Variants in AMELY observed in about 807,000 individuals in gnomAD.
AMELY encodes amelogenin, Y isoform.
AMELY carries 4 observed loss-of-function variants against 4.2 expected under a neutral mutation model. That is an observed-to-expected ratio of 0.96 (90% confidence interval 0.47 to 2.19). The LOEUF (loss-of-function observed/expected upper bound fraction) is 2.19. Among genes scored for constraint, AMELY ranks in the 30% most tolerant of loss-of-function variants. The pLI is 0.02. For synonymous variants in AMELY, 11 were observed against 14.7 expected, an observed-to-expected ratio of 0.75 and a Z score of 0.57; for missense variants, 32 against 41.5, an observed-to-expected ratio of 0.77 and a Z score of 0.63.
chrY:6,896,691 G>A (rs931359997), intron 1 of AMELY, among the ~76,000 whole-genome samples: 20 of 33,191 alleles, frequency 6.0e-4, no homozygotes, highest in Non-Finnish European at 5.2e-4. Context: ...TTAAAAATTA[G>A]CAGGGCATTG....
chrY:6,893,625 T>C (rs1603022830), intron 1 of AMELY, among the ~76,000 whole-genome samples: 1 of 32,937 alleles, frequency 3.0e-5, no homozygotes, highest in Non-Finnish European at 7.4e-5. Flanking sequence ...TGCAACCTGC[T>C]GGTCATAGGA....
intron 1 of AMELY, among the ~76,000 whole-genome samples, chrY:6,882,527 T>C: frequency 3.0e-5 from 1 of 33,189 alleles, no homozygotes; most frequent in African/African-American, 1.2e-4. Flanking sequence ...ATTCAGGACA[T>C]AGGCAAGGGT....
intron 6 of AMELY, 62 bp downstream of exon 6, chrY:6,867,975 G>A: frequency 2.8e-6 from 1 of 361,016 alleles, no homozygotes; most frequent in Non-Finnish European, 3.9e-6. Flanking sequence ...AGAACTCTGG[G>A]GCCAACTTTG....
intron 4 of AMELY, chrY:6,868,980 A>G: frequency 1.0e-5 from 2 of 200,550 alleles, no homozygotes; most frequent in Admixed American, 1.6e-4. Context: ...GTTTACATCC[A>G]TCACACACAT....
intron 1 of AMELY, among the ~76,000 whole-genome samples, chrY:6,885,426 A>C: frequency 2.9e-5 from 1 of 34,147 alleles, no homozygotes; most frequent in Non-Finnish European, 7.3e-5. Context: ...AGGGAGCCAA[A>C]ATTGTGCCAC....
intron 1 of AMELY, among the ~76,000 whole-genome samples, chrY:6,906,899 T>C (rs2011665661): frequency 3.1e-5 from 1 of 32,544 alleles, no homozygotes; most frequent in African/African-American, 1.2e-4. Flanking sequence ...TAGCTGCGAT[T>C]ACAGGCATGC....
intron 1 of AMELY, among the ~76,000 whole-genome samples, chrY:6,881,187 A>C (rs2124082065): frequency 3.0e-5 from 1 of 33,182 alleles, no homozygotes; most frequent in East Asian, 8.0e-4. Context: ...TTCCCTCTAC[A>C]CACTGCTTTA....
At chrY:6,909,068 G>C (rs2011674180) in intron 1 of AMELY, among the ~76,000 whole-genome samples, 1 of 33,418 alleles carries the variant, frequency 3.0e-5, no homozygotes, top group East Asian at 8.0e-4. Flanking sequence ...AACATACAAA[G>C]AGGTCTTTTA....
chrY:6,888,644 T>C, intron 1 of AMELY, among the ~76,000 whole-genome samples: 8 of 30,901 alleles, frequency 2.6e-4, no homozygotes, highest in African/African-American at 1.0e-3. Context: ...CTGAGGTGGG[T>C]GGAACACCTG....
intron 1 of AMELY, among the ~76,000 whole-genome samples, chrY:6,907,967 T>C: frequency 3.1e-5 from 1 of 32,666 alleles, no homozygotes; most frequent in Non-Finnish European, 7.5e-5. Flanking sequence ...CTCAGCCTCC[T>C]GAGCAGCTGG....
At chrY:6,872,836 C>G in intron 2 of AMELY, among the ~76,000 whole-genome samples, 4 of 33,321 alleles carry the variant, frequency 1.2e-4, no homozygotes, top group African/African-American at 4.6e-4. Context: ...AGGTTGGAAA[C>G]TGAACAAGTT....
intron 1 of AMELY, among the ~76,000 whole-genome samples, chrY:6,902,038 T>C: frequency 6.0e-5 from 2 of 33,064 alleles, no homozygotes; most frequent in Admixed American, 2.8e-4. Context: ...CGTGAGCCCA[T>C]ACACATCTCC....
At chrY:6,872,137 C>G in intron 3 of AMELY, among the ~76,000 whole-genome samples, 1 of 32,618 alleles carries the variant, frequency 3.1e-5, no homozygotes, top group Non-Finnish European at 7.5e-5. Flanking sequence ...ATCAGAACCT[C>G]TAGTGGAGGC....
chrY:6,872,982 A>G (rs1055285772), intron 2 of AMELY, among the ~76,000 whole-genome samples: 9 of 33,253 alleles, frequency 2.7e-4, no homozygotes, highest in Non-Finnish European at 6.7e-4. Context: ...TTAAGGTTCA[A>G]GAGCCCGTCA....
chrY:6,870,374 T>C, intron 3 of AMELY, among the ~76,000 whole-genome samples: 1 of 33,419 alleles, frequency 3.0e-5, no homozygotes, highest in Non-Finnish European at 7.4e-5. Context: ...TCAAACAACA[T>C]CCTTCTCCCA....
At chrY:6,907,823 C>A in intron 1 of AMELY, among the ~76,000 whole-genome samples, 1 of 32,426 alleles carries the variant, frequency 3.1e-5, no homozygotes. Context: ...TGAGACCACA[C>A]CACTGCATTC....
intron 6 of AMELY, among the ~76,000 whole-genome samples, chrY:6,867,431 T>C: frequency 8.9e-5 from 3 of 33,851 alleles, no homozygotes; most frequent in African/African-American, 3.5e-4. Flanking sequence ...CAGTCATAAA[T>C]TGAGGTAACT....
At chrY:6,879,597 C>G in intron 1 of AMELY, among the ~76,000 whole-genome samples, 1 of 33,408 alleles carries the variant, frequency 3.0e-5, no homozygotes, top group Non-Finnish European at 7.4e-5. Context: ...ACATGAAGTC[C>G]TTGCCCATGC....
chrY:6,886,459 G>A, intron 1 of AMELY, among the ~76,000 whole-genome samples: 7 of 33,639 alleles, frequency 2.1e-4, no homozygotes, highest in Admixed American at 1.9e-3. Context: ...GAGCATTTGA[G>A]CCCAGAAGTT....
Sources: allele counts gnomAD v4.1 joint callset (sites outside exome capture counted in the v4.1 genomes callset), GRCh38; gene constraint gnomAD v4.1.1; transcripts MANE v1.5; gene names NCBI Gene and HGNC (gene_info 2026-07-23, HGNC 2026-07-21).